PCDHA5: variants seen among roughly 807,000 people sequenced by gnomAD.
PCDHA5 encodes the protein protocadherin alpha 5.
In PCDHA5, 43 loss-of-function variants were observed where a neutral mutation model predicts 61.6. That is an observed-to-expected ratio of 0.70 (90% CI 0.55 to 0.90). PCDHA5 has a LOEUF of 0.90. Ranked by LOEUF, PCDHA5 falls within the 40% of genes least tolerant of loss-of-function variation. PCDHA5 has a pLI of 0.00. For synonymous variants in PCDHA5, 627 were observed against 543.9 expected (o/e 1.15, Z -2.13); for missense variants, 1,298 against 1,222.7 (o/e 1.06, Z -0.92).
intron 1 of PCDHA5, 136 bp downstream of exon 1, chr5:140,824,263 T>G (rs2150133748): frequency 3.2e-5 from 41 of 1,289,644 alleles, no homozygotes; most frequent in Non-Finnish European, 4.4e-5. Context: ...TTGCACTAAT[T>G]CATGTATTAT....
At chr5:140,909,471 A>G (rs1398595420) in intron 1 of PCDHA5, among the ~76,000 whole-genome samples, 3 of 152,328 alleles carry the variant, frequency 2.0e-5, no homozygotes, top group African/African-American at 7.2e-5. Context: ...TCTTCTTCAC[A>G]GGCTAAATAG....
chr5:140,966,501 C>A (rs993120522), intron 1 of PCDHA5: 8 of 436,558 alleles, frequency 1.8e-5, no homozygotes, highest in Admixed American at 8.7e-5. Flanking sequence ...GGAGCTGTAG[C>A]GGCAGCAGCA....
At chr5:140,907,166 A>C (rs2073212277) in intron 1 of PCDHA5, among the ~76,000 whole-genome samples, 2 of 152,174 alleles carry the variant, frequency 1.3e-5, no homozygotes, top group Non-Finnish European at 2.9e-5. Context: ...CATATATTGG[A>C]TGCTGATTCA....
At chr5:140,993,460 T>TCCCACA (rs1554253699) in intron 3 of PCDHA5, among the ~76,000 whole-genome samples, 8 of 104,506 alleles carry the variant, frequency 7.7e-5, no homozygotes, top group African/African-American at 3.1e-4. Context: ...CTTCTTTCTT[T>TCCCACA]CTCACACACA....
At chr5:140,836,494 T>A in intron 1 of PCDHA5, 4 of 1,613,852 alleles carry the variant, frequency 2.5e-6, no homozygotes, top group Non-Finnish European at 3.4e-6. Context: ...ATCATCGCCA[T>A]CTGCGCGGTG....
chr5:140,849,973 C>G, intron 1 of PCDHA5: 1 of 1,597,728 alleles, frequency 6.3e-7, no homozygotes, highest in Non-Finnish European at 8.6e-7. Context: ...GTGTCCTACT[C>G]GCTGGTGGAG....
At chr5:140,897,467 C>T (rs1427386129) in intron 1 of PCDHA5, among the ~76,000 whole-genome samples, 11 of 151,912 alleles carry the variant, frequency 7.2e-5, no homozygotes, top group Non-Finnish European at 7.4e-5. Flanking sequence ...CGATAGTTTA[C>T]TGAGAATGAT....
intron 3 of PCDHA5, among the ~76,000 whole-genome samples, chr5:141,003,559 T>C (rs2098129977): frequency 6.6e-6 from 1 of 152,106 alleles, no homozygotes; most frequent in Admixed American, 6.5e-5. Context: ...GTGATCCACC[T>C]GCCTCAGACT....
At chr5:140,881,244 CG>C in intron 1 of PCDHA5, 1 of 397,012 alleles carries the variant, frequency 2.5e-6, no homozygotes, top group Non-Finnish European at 3.4e-6. Flanking sequence ...ATTTAAATGA[CG>C]GCAAGGTTTT....
intron 1 of PCDHA5, among the ~76,000 whole-genome samples, chr5:140,888,038 T>C (rs1195921370): frequency 3.3e-5 from 5 of 152,238 alleles, no homozygotes; most frequent in Non-Finnish European, 7.3e-5. Context: ...TATTAGTACA[T>C]GTATAATAGA....
chr5:141,010,282 A>C lies in PCDHA5; in HGVS notation c.*345A>C, dbSNP rs375556483. The C allele has an allele frequency of 6.4e-7, 1 of 1,551,130 alleles. No homozygotes were observed. Among genetic ancestry groups the C allele is most frequent in the Admixed American group, 2.0e-5 (1 of 50,878 alleles). On this transcript the variant is annotated 3_prime_UTR_variant, in exon 4 of 4. Transcript: ENST00000529859. ...GTGCTCCGGGGATCCTGTCTTGATGACACTTGCAGGGCAGGCTGAAAAGTT... is the reference window on the plus strand; with the variant it reads ...GTGCTCCGGGGATCCTGTCTTGATGCCACTTGCAGGGCAGGCTGAAAAGTT...
intron 1 of PCDHA5, among the ~76,000 whole-genome samples, chr5:140,846,560 G>A (rs1327875705): frequency 6.8e-6 from 1 of 148,012 alleles, no homozygotes; most frequent in Non-Finnish European, 1.5e-5. Context: ...ATTTTTAGTA[G>A]AGTCGGGGTT....
At chr5:140,884,533 G>T in intron 1 of PCDHA5, 1 of 1,614,082 alleles carries the variant, frequency 6.2e-7, no homozygotes, top group Non-Finnish European at 8.5e-7. Flanking sequence ...AGCAGAGGCG[G>T]CCGAGGGTGT....
intron 1 of PCDHA5, among the ~76,000 whole-genome samples, chr5:140,873,915 C>A (rs543062290): frequency 6.6e-6 from 1 of 152,284 alleles, no homozygotes; most frequent in Non-Finnish European, 1.5e-5. Flanking sequence ...CCTGCCTCAG[C>A]CTCCCAAAGT....
chr5:140,830,775 AT>A (rs1201175908), intron 1 of PCDHA5: 4 of 167,194 alleles, frequency 2.4e-5, no homozygotes, highest in East Asian at 1.6e-4. Context: ...TCATAGTAGC[AT>A]TTTTTTCTGA....
At chr5:140,969,337 AC>A in intron 1 of PCDHA5, 1 of 1,613,970 alleles carries the variant, frequency 6.2e-7, no homozygotes, top group East Asian at 2.2e-5. Flanking sequence ...ATGAGGTGAG[AC>A]AGTGGTCAGG....
intron 1 of PCDHA5, among the ~76,000 whole-genome samples, chr5:140,971,546 A>G (rs1236125448): frequency 6.6e-6 from 1 of 152,146 alleles, no homozygotes; most frequent in African/African-American, 2.4e-5. Context: ...TGCCAGATCA[A>G]CCTGTTAAAT....
rs1554239929 is a variant in PCDHA5 at position 140,978,939 on chromosome 5, G to A, written c.2353-10G>A. 1 of 1,613,986 alleles carries A rather than the reference G, an allele frequency of 6.2e-7. No individual in the cohort carries two copies. The highest frequency in any genetic ancestry group is 1.3e-5 in the African/African-American group (1 of 74,908). On this transcript the variant is annotated splice_polypyrimidine_tract_variant and intron_variant, in intron 1 of 3. Transcript: ENST00000529859. ...CATTTTAACAGAAAACTCTCTTTGTGATTTTGCAGCCACGACAGCCCAACC... is the reference window on the plus strand; with the variant it reads ...CATTTTAACAGAAAACTCTCTTTGTAATTTTGCAGCCACGACAGCCCAACC...
intron 1 of PCDHA5, chr5:140,928,032 T>C (rs369075554): frequency 6.2e-7 from 1 of 1,614,216 alleles, no homozygotes; most frequent in African/African-American, 1.3e-5. Flanking sequence ...GTGGCATGTC[T>C]AGTGCAGGCC....
Sources: gnomAD v4.1 joint callset for allele counts (sites outside exome capture counted in the v4.1 genomes callset) on GRCh38, gnomAD v4.1.1 for gene constraint, MANE v1.5 for transcripts, NCBI Gene and HGNC (gene_info 2026-07-23, HGNC 2026-07-21) for gene names.